The following RPS6KC1 variants were observed in gnomAD, a reference collection of about 807,000 sequenced individuals.
RPS6KC1 encodes inactive ribosomal protein S6 kinase delta-1.
RPS6KC1 carries 54 observed loss-of-function variants against 103.8 expected under a neutral mutation model. That is an observed-to-expected ratio of 0.52 (90% CI 0.42 to 0.65). The LOEUF is 0.65. RPS6KC1 is among the 30% of genes least tolerant of loss of function. The pLI, the probability that RPS6KC1 is intolerant of heterozygous loss-of-function variation, is 0.00. For missense variants in RPS6KC1, 1,151 were observed against 1,253.8 expected, an observed-to-expected ratio of 0.92 and a Z score of 1.24; for synonymous variants, 439 against 438.7, an observed-to-expected ratio of 1.00 and a Z score of -0.01.
the RPS6KC1 span, among the ~76,000 whole-genome samples, chr1:213,511,280 G>C: frequency 1.3e-5 from 2 of 152,268 alleles, no homozygotes; most frequent in Non-Finnish European, 2.9e-5. Context: ...GTGTGTGGAA[G>C]CTGTGTGCCT....
the RPS6KC1 span, among the ~76,000 whole-genome samples, chr1:213,730,218 G>A: frequency 9.2e-5 from 14 of 152,128 alleles, no homozygotes; most frequent in Admixed American, 5.9e-4. Context: ...ATTGTGAATA[G>A]TGCTGCAATG....
At chr1:213,327,802 A>G in the RPS6KC1 span, among the ~76,000 whole-genome samples, 5 of 152,180 alleles carry the variant, frequency 3.3e-5, no homozygotes, top group African/African-American at 1.2e-4. Context: ...TTGTTCTGAC[A>G]TTTCTCTATC....
chr1:213,103,335 A>G (rs1173846789), intron 3 of RPS6KC1, among the ~76,000 whole-genome samples: 1 of 152,220 alleles, frequency 6.6e-6, no homozygotes, highest in Non-Finnish European at 1.5e-5. Context: ...AGTATGATAG[A>G]ACTTGAAGAT....
chr1:213,275,631 C>T (rs767903329), downstream of RPS6KC1, among the ~76,000 whole-genome samples: 9 of 151,870 alleles, frequency 5.9e-5, no homozygotes, highest in African/African-American at 1.5e-4. Flanking sequence ...GGGTACAATG[C>T]GATATTTCTA....
the RPS6KC1 span, among the ~76,000 whole-genome samples, chr1:213,442,195 T>C: frequency 6.6e-6 from 1 of 152,238 alleles, no homozygotes; most frequent in African/African-American, 2.4e-5. Flanking sequence ...CCCTGATTCC[T>C]ACGAGTGCCT....
Position 213,240,882 on chromosome 1 carries a change from C to T in RPS6KC1, c.1406C>T (p.Ala469Val), listed in dbSNP as rs547388721. 1.2e-6 allele frequency: 2 copies of T among 1,613,902 alleles called. No homozygotes were observed. Among genetic ancestry groups the T allele is most frequent in the African/African-American group, 1.3e-5 (1 of 75,032 alleles). Residue 469 changes from alanine (A) to valine (V), a missense_variant, in exon 11 of 15, where the codon GCT becomes GTT. By Grantham distance (64) the Ala-to-Val change is moderately conservative. Around this residue, in one of 3 missense-constraint regions of RPS6KC1, gnomAD observed 959 missense variants for 1,006.3 expected, o/e 0.95. Transcript: ENST00000366960. ...RGSDGGSMLKALPLKSSLTPS... is the reference protein window; with the variant it reads ...RGSDGGSMLKVLPLKSSLTPS... ...AGTGATGGTGGAAGCATGCTTAAAG[C>T]TCTGCCTTTGAAGAGTAGTCTTACT...
chr1:213,718,592 C>T, the RPS6KC1 span, among the ~76,000 whole-genome samples: 1 of 152,224 alleles, frequency 6.6e-6, no homozygotes, highest in East Asian at 1.9e-4. Context: ...CGTTGGGAGG[C>T]AATGGCTGTT....
chr1:213,735,507 A>G, the RPS6KC1 span, among the ~76,000 whole-genome samples: 1 of 152,236 alleles, frequency 6.6e-6, no homozygotes, highest in East Asian at 1.9e-4. Context: ...AGTCAAACAA[A>G]GGAACTATGA....
chr1:213,636,160 G>A, the RPS6KC1 span, among the ~76,000 whole-genome samples: 21,449 of 152,174 alleles, frequency 0.14, 2,388 homozygotes, highest in African/African-American at 0.31. Flanking sequence ...TTATGGATAG[G>A]AAGAATCAAT....
At chr1:213,586,168 G>A in the RPS6KC1 span, among the ~76,000 whole-genome samples, 2 of 152,174 alleles carry the variant, frequency 1.3e-5, no homozygotes, top group Non-Finnish European at 2.9e-5. Context: ...AACATTGTGA[G>A]GCTTTATAAA....
At chr1:213,516,728 G>T in the RPS6KC1 span, among the ~76,000 whole-genome samples, 6 of 152,176 alleles carry the variant, frequency 3.9e-5, no homozygotes, top group African/African-American at 1.2e-4. Flanking sequence ...GTGTCAGGAT[G>T]ATGATGGCCT....
chr1:213,197,534 AT>A (rs1275026986), intron 8 of RPS6KC1, among the ~76,000 whole-genome samples: 11 of 151,302 alleles, frequency 7.3e-5, no homozygotes, highest in African/African-American at 2.4e-4. Flanking sequence ...GTATGTATGT[AT>A]GTATGTATGT....
chr1:213,629,781 G>A, the RPS6KC1 span, among the ~76,000 whole-genome samples: 55,818 of 151,878 alleles, frequency 0.37, 11,334 homozygotes, highest in Non-Finnish European at 0.46. Context: ...CAGGCCTGGT[G>A]GTGACAAAAT....
chr1:213,408,462 A>T, the RPS6KC1 span, among the ~76,000 whole-genome samples: 326 of 152,358 alleles, frequency 2.1e-3, no homozygotes, highest in Non-Finnish European at 3.6e-3. Flanking sequence ...AGTATTTCAT[A>T]GATGTGATTA....
At chr1:213,784,696 T>G in the RPS6KC1 span, among the ~76,000 whole-genome samples, 2,536 of 152,264 alleles carry the variant, frequency 0.017, 34 homozygotes, top group East Asian at 0.06. Context: ...AGATGAAAGC[T>G]GGAGAGTGCC....
chr1:213,568,578 G>A, the RPS6KC1 span, among the ~76,000 whole-genome samples: 2 of 152,218 alleles, frequency 1.3e-5, no homozygotes, highest in African/African-American at 4.8e-5. Context: ...ACCATTTATA[G>A]AGAATGTTCT....
intron 4 of RPS6KC1, among the ~76,000 whole-genome samples, chr1:213,112,568 T>G (rs1028318003): frequency 6.6e-6 from 1 of 151,558 alleles, no homozygotes; most frequent in Non-Finnish European, 1.5e-5. Flanking sequence ...TATTTATTTA[T>G]TTATTATTAT....
At chr1:213,219,189 G>A (rs1252152399) in intron 8 of RPS6KC1, among the ~76,000 whole-genome samples, 2 of 152,166 alleles carry the variant, frequency 1.3e-5, no homozygotes, top group African/African-American at 4.8e-5. Context: ...CCATCAACAA[G>A]TGGGTGAAGG....
At chr1:213,631,989 A>G in the RPS6KC1 span, among the ~76,000 whole-genome samples, 2 of 152,194 alleles carry the variant, frequency 1.3e-5, no homozygotes, top group Non-Finnish European at 1.5e-5. Context: ...AGAATGTCAC[A>G]TAAATGGAAT....
Sources: allele counts gnomAD v4.1 joint callset (sites outside exome capture counted in the v4.1 genomes callset), GRCh38; gene constraint gnomAD v4.1.1; regional missense constraint gnomAD v4.1.1; transcripts MANE v1.5; gene names NCBI Gene and HGNC (gene_info 2026-07-23, HGNC 2026-07-21).